Variants in SLC25A26 observed in about 807,000 individuals in gnomAD.
SLC25A26 encodes the protein solute carrier family 25 member 26.
A neutral mutation model predicts 37.8 loss-of-function variants in SLC25A26; 36 were observed. The ratio of observed to expected loss-of-function variants is 0.95; its 90% CI spans 0.73 to 1.26. SLC25A26 has a LOEUF of 1.26. Among genes scored for constraint, SLC25A26 ranks in the 50% most tolerant of loss-of-function variants. The pLI is 0.00. For missense variants in SLC25A26, 390 were observed against 331.1 expected (o/e 1.18, Z -1.38); for synonymous variants, 129 against 122.5 (o/e 1.05, Z -0.35).
At chr3:66,370,445 C>A in intron 8 of SLC25A26, 84 bp from the exon 9 acceptor site, 2 of 1,068,378 alleles carry the variant, frequency 1.9e-6, no homozygotes, top group Non-Finnish European at 2.8e-6. Flanking sequence ...TGACGGGGAG[C>A]TGTGTGTCTG....
chr3:66,197,558 T>C (rs1027519279), intron 1 of SLC25A26, among the ~76,000 whole-genome samples: 1 of 151,786 alleles, frequency 6.6e-6, no homozygotes, highest in African/African-American at 2.4e-5. Flanking sequence ...ATTGAAATAA[T>C]TGTCAGGCTA....
intron 5 of SLC25A26, among the ~76,000 whole-genome samples, chr3:66,265,111 A>C (rs1481752139): frequency 1.3e-5 from 2 of 151,994 alleles, no homozygotes; most frequent in Non-Finnish European, 2.9e-5. Context: ...CTAGGAGTTC[A>C]AGACCAGCCT....
chr3:66,157,488 T>G (rs2070299854), intron 1 of SLC25A26, among the ~76,000 whole-genome samples: 1 of 152,232 alleles, frequency 6.6e-6, no homozygotes, highest in Admixed American at 6.5e-5. Context: ...AATTATACTA[T>G]GAGGTAGGTA....
At chr3:66,147,462 C>T (rs1392854665) in intron 1 of SLC25A26, among the ~76,000 whole-genome samples, 1 of 151,542 alleles carries the variant, frequency 6.6e-6, no homozygotes, top group South Asian at 2.1e-4. Flanking sequence ...CATGCTCAAC[C>T]CACATTTTCT....
intron 2 of SLC25A26, among the ~76,000 whole-genome samples, chr3:66,239,935 C>T (rs36136508): frequency 0.44 from 66,282 of 150,788 alleles, 16,807 homozygotes; most frequent in African/African-American, 0.7. Flanking sequence ...ATTTGACTCT[C>T]TCTTGTAATG....
intron 2 of SLC25A26, among the ~76,000 whole-genome samples, chr3:66,237,732 T>C (rs889928038): frequency 6.6e-6 from 1 of 152,232 alleles, no homozygotes; most frequent in African/African-American, 2.4e-5. Context: ...TCTAGTGGCA[T>C]TTGAAAGTAA....
intron 5 of SLC25A26, among the ~76,000 whole-genome samples, chr3:66,339,066 T>C (rs531971795): frequency 1.3e-5 from 2 of 152,178 alleles, no homozygotes; most frequent in South Asian, 4.1e-4. Context: ...TTTTCAGTTA[T>C]TTTGGCTGTA....
intron 3 of SLC25A26, among the ~76,000 whole-genome samples, chr3:66,245,033 A>G (rs1252085155): frequency 6.6e-6 from 1 of 152,104 alleles, no homozygotes; most frequent in Non-Finnish European, 1.5e-5. Flanking sequence ...TCAAAGTAGA[A>G]CACAGTACTG....
intron 1 of SLC25A26, among the ~76,000 whole-genome samples, chr3:66,213,839 A>C (rs970490081): frequency 0.037 from 5,577 of 152,254 alleles, 127 homozygotes; most frequent in Non-Finnish European, 0.054. Context: ...CTGAGGCAGG[A>C]GAATCACTTG....
At chr3:66,291,330 A>G (rs902017311) in intron 5 of SLC25A26, among the ~76,000 whole-genome samples, 1 of 151,122 alleles carries the variant, frequency 6.6e-6, no homozygotes, top group Non-Finnish European at 1.5e-5. Flanking sequence ...GCTCGTAGTT[A>G]TTTCTTGTCT....
intron 1 of SLC25A26, among the ~76,000 whole-genome samples, chr3:66,150,042 C>T (rs1170346867): frequency 6.6e-6 from 1 of 152,050 alleles, no homozygotes; most frequent in Non-Finnish European, 1.5e-5. Flanking sequence ...TTCATAGGCT[C>T]CTAATGCATG....
At chr3:66,368,625 G>A (rs1700165552) in intron 7 of SLC25A26, among the ~76,000 whole-genome samples, 1 of 152,160 alleles carries the variant, frequency 6.6e-6, no homozygotes, top group Non-Finnish European at 1.5e-5. Flanking sequence ...ATCCAGCCAT[G>A]TATACCCAAA....
At chr3:66,369,642 C>T (rs368231767) in intron 8 of SLC25A26, 100 bp downstream of exon 8, 3 of 1,000,114 alleles carry the variant, frequency 3.0e-6, no homozygotes, top group African/African-American at 3.2e-5. Context: ...CTACCATTTA[C>T]CTGTAATAGC....
intron 1 of SLC25A26, among the ~76,000 whole-genome samples, chr3:66,184,237 CTT>C (rs2070771090): frequency 6.6e-6 from 1 of 152,114 alleles, no homozygotes; most frequent in Admixed American, 6.5e-5. Flanking sequence ...CTGACACTGA[CTT>C]TCACCCTGAA....
chr3:66,237,462 C>T (rs897353419), intron 2 of SLC25A26, among the ~76,000 whole-genome samples: 1 of 152,214 alleles, frequency 6.6e-6, no homozygotes, highest in Non-Finnish European at 1.5e-5. Context: ...TTGATAATAG[C>T]TGCTTTGGAG....
intron 5 of SLC25A26, among the ~76,000 whole-genome samples, chr3:66,298,389 T>C (rs78560363): frequency 5.9e-5 from 9 of 152,318 alleles, no homozygotes; most frequent in East Asian, 1.9e-4. Context: ...TTCTGAGAGG[T>C]ACATCTGTGT....
intron 3 of SLC25A26, among the ~76,000 whole-genome samples, chr3:66,256,937 C>A (rs72901286): frequency 0.012 from 1,856 of 152,210 alleles, 38 homozygotes; most frequent in African/African-American, 0.042. Context: ...GAAGTCATTT[C>A]TGTGGAATTG....
chr3:66,160,850 G>T (rs1437885072), intron 1 of SLC25A26, among the ~76,000 whole-genome samples: 1 of 152,070 alleles, frequency 6.6e-6, no homozygotes, highest in Non-Finnish European at 1.5e-5. Context: ...CAGGAGAATT[G>T]CTTGAACCTG....
chr3:66,317,667 C>A (rs1216713778), intron 5 of SLC25A26, among the ~76,000 whole-genome samples: 1 of 152,158 alleles, frequency 6.6e-6, no homozygotes, highest in East Asian at 1.9e-4. Context: ...GTGGGGAATC[C>A]CCCTCATCCA....
Sources: gnomAD v4.1 joint callset for allele counts (sites outside exome capture counted in the v4.1 genomes callset) on GRCh38, gnomAD v4.1.1 for gene constraint, MANE v1.5 for transcripts, NCBI Gene and HGNC (gene_info 2026-07-23, HGNC 2026-07-21) for gene names.